The following SPOCK1 variants were observed in gnomAD, a reference collection of about 807,000 sequenced individuals.
SPOCK1 encodes the protein testican-1.
SPOCK1 carries 23 observed loss-of-function variants against 55.3 expected under a neutral mutation model. That is an observed-to-expected ratio of 0.42 (90% CI 0.30 to 0.59). SPOCK1 has a LOEUF of 0.59. Among genes scored for constraint, SPOCK1 ranks in the 20% least tolerant of loss-of-function variants. The pLI is 0.22. For missense variants in SPOCK1, 499 were observed against 552.5 expected, an observed-to-expected ratio of 0.90 and a Z score of 0.97; for synonymous variants, 226 against 221.0, an observed-to-expected ratio of 1.02 and a Z score of -0.20.
At position 137,350,795 on chromosome 5, in the gene SPOCK1, TTG is replaced by T. The variant is rs111548796; in HGVS notation, c.187-83742_187-83741del. ...AAAAGCAGGAAGGAATCATATAGGG[TTG>T]TGTGTGTGTGTGTGTGTGTGTCCAC... On this transcript the variant is annotated intron_variant, in intron 2 of 10. Transcript: ENST00000394945. Among the ~76,000 whole-genome samples, 622 of 147,722 alleles carry T rather than the reference TTG, an allele frequency of 4.2e-3. 4 individuals are homozygous for T. The highest frequency in any genetic ancestry group is 0.011 in the African/African-American group (440 of 40,442).
chr5:137,241,060 A>C (rs990513694), intron 3 of SPOCK1, among the ~76,000 whole-genome samples: 15 of 152,226 alleles, frequency 9.9e-5, no homozygotes, highest in Non-Finnish European at 2.2e-4. Context: ...ACCAAAATAA[A>C]TTCCAAATGG....
At chr5:137,407,503 T>C (rs769357488) in intron 2 of SPOCK1, among the ~76,000 whole-genome samples, 11 of 152,154 alleles carry the variant, frequency 7.2e-5, no homozygotes, top group Non-Finnish European at 1.0e-4. Flanking sequence ...AACTATTCCA[T>C]GGTAGCATTC....
At chr5:137,390,973 G>C (rs1429706151) in intron 2 of SPOCK1, among the ~76,000 whole-genome samples, 2 of 152,116 alleles carry the variant, frequency 1.3e-5, no homozygotes, top group African/African-American at 4.8e-5. Flanking sequence ...ATGTGCCAAG[G>C]TGGTTTGCTG....
At chr5:137,013,953 C>T (rs1344528098) in intron 6 of SPOCK1, among the ~76,000 whole-genome samples, 2 of 152,092 alleles carry the variant, frequency 1.3e-5, no homozygotes, top group African/African-American at 4.8e-5. Context: ...AAAGATGGCT[C>T]TGACTATCTC....
chr5:137,157,767 C>T (rs976096387), intron 3 of SPOCK1, among the ~76,000 whole-genome samples: 111 of 152,314 alleles, frequency 7.3e-4, no homozygotes, highest in Non-Finnish European at 1.5e-3. Flanking sequence ...TGGTTTAAAA[C>T]TTGCATATGG....
chr5:137,360,740 A>G (rs1211269299), intron 2 of SPOCK1, among the ~76,000 whole-genome samples: 1 of 152,196 alleles, frequency 6.6e-6, no homozygotes, highest in Non-Finnish European at 1.5e-5. Flanking sequence ...AAGACTGTCT[A>G]CCATCCCAAA....
intron 6 of SPOCK1, among the ~76,000 whole-genome samples, chr5:137,005,385 A>C (rs183412559): frequency 7.6e-6 from 1 of 131,104 alleles, no homozygotes; most frequent in African/African-American, 2.7e-5. Flanking sequence ...GCAGCATTGC[A>C]TCTATGTTCT....
At position 137,286,220 on chromosome 5, in the gene SPOCK1, C is replaced by A. The variant is rs542746868; in HGVS notation, c.187-19165G>T. 4.9e-4 allele frequency among the ~76,000 whole-genome samples: 75 copies of A among 152,260 alleles called. 1 individual carries two copies. Among genetic ancestry groups the A allele is most frequent in the Non-Finnish European group, 5.9e-5 (4 of 68,026 alleles). ...GACAGGATCTAAATCTAGGTCCATT[C>A]GTTTTTAAAGGTCAGACACTTCCCA... On this transcript the variant is annotated intron_variant, in intron 2 of 10. Transcript: ENST00000394945.
At chr5:137,263,635 T>TC in intron 3 of SPOCK1, among the ~76,000 whole-genome samples, 1 of 152,202 alleles carries the variant, frequency 6.6e-6, no homozygotes, top group East Asian at 1.9e-4. Context: ...TTTGTGGACT[T>TC]CACAAGCGAA....
Position 137,267,116 on chromosome 5 carries a change from A to C in SPOCK1, c.187-61T>G, listed in dbSNP as rs1026280278. On this transcript the variant is annotated intron_variant, in intron 2 of 10. Coordinates refer to ENST00000394945, the MANE Select transcript of SPOCK1 (RefSeq NM_004598.4). ...TTCAAAAAGCTTCTCACATAACTGC[A>C]TAAAAACCTGCCTTCCTTTTCACCT... 77 of 1,407,886 alleles carry C rather than the reference A, an allele frequency of 5.5e-5. No individual in the cohort carries two copies. In the African/African-American group the frequency reaches 1.0e-3, roughly 19 times the overall value. The allele number at this position is 1,407,886 out of a possible 1,614,324, so 87.2% of individuals were successfully genotyped here.
chr5:137,295,717 T>G (rs1344445169), intron 2 of SPOCK1, among the ~76,000 whole-genome samples: 21 of 47,620 alleles, frequency 4.4e-4, no homozygotes, highest in Non-Finnish European at 6.9e-4. Context: ...TAATACATTT[T>G]TACTGAAAAA....
intron 2 of SPOCK1, among the ~76,000 whole-genome samples, chr5:137,335,876 C>A (rs970262777): frequency 1.3e-5 from 2 of 152,194 alleles, no homozygotes. Flanking sequence ...ATGAGCCCTG[C>A]GGTGCCCATC....
In SPOCK1 at chr5:136,977,093, T is replaced by A. The variant is rs1427517958; in HGVS notation, c.*1561A>T. ...GTGGCTGATTCTGATTAGGACACCC[T>A]GATAAATGAAAATCAGTGGCGGACA... On this transcript the variant is annotated 3_prime_UTR_variant, in exon 11 of 11. Coordinates refer to ENST00000394945, the MANE Select transcript of SPOCK1 (RefSeq NM_004598.4). 1 of 152,200 alleles carries A rather than the reference T, an allele frequency of 6.6e-6. No individual in the cohort carries two copies. The highest frequency in any genetic ancestry group is 1.5e-5 in the Non-Finnish European group (1 of 68,048). 9.4% of individuals were successfully genotyped at this position (152,200 alleles called of 1,614,324 possible). A position where few individuals can be genotyped will look rare whatever the true frequency, so the allele number is the denominator to read the frequency against.
At chr5:137,460,075 GC>G (rs1445854083) in intron 2 of SPOCK1, among the ~76,000 whole-genome samples, 1 of 152,172 alleles carries the variant, frequency 6.6e-6, no homozygotes, top group African/African-American at 2.4e-5. Context: ...ATGGTAAAGG[GC>G]CTTGAAATCC....
At chr5:137,114,542 C>T (rs1160304469) in intron 4 of SPOCK1, among the ~76,000 whole-genome samples, 1 of 152,210 alleles carries the variant, frequency 6.6e-6, no homozygotes, top group Non-Finnish European at 1.5e-5. Flanking sequence ...TTATAAATTA[C>T]ATGGGCATGA....
At chr5:137,215,797 T>C (rs911632719) in intron 3 of SPOCK1, among the ~76,000 whole-genome samples, 10 of 152,204 alleles carry the variant, frequency 6.6e-5, no homozygotes, top group Non-Finnish European at 1.3e-4. Context: ...TCAGGATAAC[T>C]GCACATTTTT....
At chr5:137,205,695 T>C (rs1755507232) in intron 3 of SPOCK1, among the ~76,000 whole-genome samples, 1 of 152,148 alleles carries the variant, frequency 6.6e-6, no homozygotes, top group African/African-American at 2.4e-5. Flanking sequence ...CCACTGAAGG[T>C]CAAACAACAT....
rs755914531 is a variant in SPOCK1 at position 137,171,486 on chromosome 5, T to G, written c.233-30792A>C. ...GAAAGGGCCAGCCACGCTACCAATGTGGAGGATCAGGACCCAGCTGGTATT... is the reference window on the plus strand; with the variant it reads ...GAAAGGGCCAGCCACGCTACCAATGGGGAGGATCAGGACCCAGCTGGTATT... On this transcript the variant is annotated intron_variant, in intron 3 of 10. Transcript: ENST00000394945. 1.1e-4 allele frequency among the ~76,000 whole-genome samples: 17 copies of G among 152,266 alleles called. No individual in the cohort carries two copies. The South Asian group carries it at 1.9e-3, about 17-fold the overall frequency.
At chr5:137,089,942 C>T (rs1006718018) in intron 5 of SPOCK1, among the ~76,000 whole-genome samples, 1 of 152,132 alleles carries the variant, frequency 6.6e-6, no homozygotes, top group Non-Finnish European at 1.5e-5. Flanking sequence ...CCAGGAAGGC[C>T]ACAGAGGCCA....
Sources: allele counts gnomAD v4.1 joint callset (sites outside exome capture counted in the v4.1 genomes callset), GRCh38; gene constraint gnomAD v4.1.1; transcripts MANE v1.5; gene names NCBI Gene and HGNC (gene_info 2026-07-23, HGNC 2026-07-21).